GRK6: variants seen among roughly 807,000 people sequenced by gnomAD.
GRK6 encodes G protein-coupled receptor kinase 6.
GRK6 carries 37 observed loss-of-function variants against 80.8 expected under a neutral mutation model. The observed-to-expected ratio is 0.46, with a 90% CI of 0.35 to 0.60. The LOEUF is 0.60. GRK6 is among the 20% of genes least tolerant of loss of function. The probability of loss-of-function intolerance (pLI) is 0.00; values close to 1 mark genes in which losing one functional copy is unlikely to be tolerated. For missense variants in GRK6, 560 were observed against 784.6 expected (o/e 0.71, Z 3.42); for synonymous variants, 295 against 320.9 (o/e 0.92, Z 0.86).
At chr5:177,433,850 G>A in intron 8 of GRK6, 64 bp from the exon 9 acceptor site, 1 of 1,494,086 alleles carries the variant, frequency 6.7e-7, no homozygotes, top group Non-Finnish European at 8.9e-7. Flanking sequence ...AGGCTTTTTT[G>A]GGCAGCCCTG....
chr5:177,440,467 A>C (rs1764423197), intron 13 of GRK6, among the ~76,000 whole-genome samples: 2 of 152,246 alleles, frequency 1.3e-5, no homozygotes, highest in Admixed American at 1.3e-4. Flanking sequence ...ACACAGCCTC[A>C]CAGTCATTGA....
In GRK6 at chr5:177,429,163, G is replaced by T. The variant is rs1763785442; in HGVS notation, c.53-1709G>T. Reference sequence around the variant, plus strand: ...AATCTCAGTTTTCATATAAAATTGGGCCTGCTCTGGCAGAGTTGCTGTGAG... The same window carrying T: ...AATCTCAGTTTTCATATAAAATTGGTCCTGCTCTGGCAGAGTTGCTGTGAG... On this transcript the variant is annotated intron_variant, in intron 1 of 15. Coordinates refer to ENST00000355472, the MANE Select transcript of GRK6 (RefSeq NM_001004106.3). This position sits in a 1 kb window ranked among gnomAD's most constrained non-coding sequence, Gnocchi z 4.3. Among the ~76,000 whole-genome samples, 1 of 152,134 alleles carries T rather than the reference G, an allele frequency of 6.6e-6. No individual in the cohort carries two copies. The highest frequency in any genetic ancestry group is 2.1e-4 in the South Asian group (1 of 4,830).
chr5:177,431,672 G>T (rs775719389), intron 2 of GRK6: 1 of 345,384 alleles, frequency 2.9e-6, no homozygotes, highest in Non-Finnish European at 5.4e-6. Flanking sequence ...GGAACCTCAC[G>T]GACCGCACCC....
At chr5:177,432,199 C>T (rs1763931710) in intron 3 of GRK6, 34 bp from the exon 4 acceptor site, 1 of 1,613,120 alleles carries the variant, frequency 6.2e-7, no homozygotes, top group African/African-American at 1.3e-5. Context: ...TTGCCCTGCC[C>T]AGACCTCCAG....
At chr5:177,430,562 CG>C (rs1763845344) in intron 1 of GRK6, 5 of 376,628 alleles carry the variant, frequency 1.3e-5, no homozygotes, top group South Asian at 5.7e-5. Flanking sequence ...CTTTCTTCAC[CG>C]GGGGAACTCC....
intron 13 of GRK6, among the ~76,000 whole-genome samples, chr5:177,437,986 G>C (rs953897964): frequency 2.0e-5 from 3 of 152,234 alleles, no homozygotes; most frequent in African/African-American, 7.2e-5. Context: ...ACTGGAGCCA[G>C]TCCTGCCCTT....
At position 177,440,942 on chromosome 5, in the gene GRK6, A is replaced by G. The variant is rs335435; in HGVS notation, c.1566A>G (p.Gln522=). The G allele has an allele frequency of 0.51, 829,790 of 1,613,682 alleles. 221,167 individuals carry two copies. Among genetic ancestry groups the G allele is most frequent in the Non-Finnish European group, 0.56 (662,051 of 1,179,898 alleles). ...AGATGGTGGAGACCGAGTGCTTCCAAGAGCTGAATGTCTTTGGGCTGGATG... is the reference window on the plus strand; with the variant it reads ...AGATGGTGGAGACCGAGTGCTTCCAGGAGCTGAATGTCTTTGGGCTGGATG... The part of the protein sequence containing the change: ...QNEMVETECF[Q]ELNVFGLDGS... The change falls in exon 15 of 16, where the codon CAA becomes CAG. Residue 522 remains glutamine, a synonymous_variant. Coordinates refer to ENST00000355472, the MANE Select transcript of GRK6 (RefSeq NM_001004106.3).
At position 177,441,877 on chromosome 5, in the gene GRK6, G is replaced by C; in HGVS notation, c.*87G>C. On this transcript the variant is annotated 3_prime_UTR_variant, in exon 16 of 16. Transcript: ENST00000355472. ...GTTTTGCACAGTGATCTTCCCCATT[G>C]TCCACTCAAGTCGTGGCCTGGGGAA... 8.3e-7 allele frequency: 1 copy of C among 1,199,504 alleles called. No individual in the cohort carries two copies. The highest frequency in any genetic ancestry group is 1.2e-6 in the Non-Finnish European group (1 of 815,990). The allele number at this position is 1,199,504 out of a possible 1,614,324, so 74.3% of individuals were successfully genotyped here. A position where few individuals can be genotyped will look rare whatever the true frequency, so the allele number is the denominator to read the frequency against.
chr5:177,427,477 G>A (rs1763721457), intron 1 of GRK6, among the ~76,000 whole-genome samples: 2 of 152,314 alleles, frequency 1.3e-5, no homozygotes, highest in Admixed American at 6.5e-5. Context: ...TGGGGCTAGC[G>A]GACACAGAAA....
At position 177,426,879 on chromosome 5, in the gene GRK6, C is replaced by A; in HGVS notation, c.34C>A (p.Leu12Ile). 7.2e-7 allele frequency: 1 copy of A among 1,396,376 alleles called. No individual in the cohort carries two copies. Among genetic ancestry groups the A allele is most frequent in the Non-Finnish European group, 9.4e-7 (1 of 1,068,708 alleles). The allele number at this position is 1,396,376 out of a possible 1,614,324, so 86.5% of individuals were successfully genotyped here. ...CGAGAACATCGTAGCGAACACGGTG[C>A]TACTCAAGGCCCGGGAAGGTGAGGC... ...ELENIVANTVLLKAREGGGGN... is the reference protein window; with the variant it reads ...ELENIVANTVILKAREGGGGN... Residue 12 changes from leucine to isoleucine, a missense_variant, in exon 1 of 16, where the codon CTA becomes ATA. By Grantham distance (5) the Leu-to-Ile change is conservative. This residue lies in a region of GRK6 where 189 missense variants were observed against 230.2 expected (regional missense o/e 0.82). Transcript: ENST00000355472.
Position 177,428,234 on chromosome 5 carries a change from C to T in GRK6, c.52+1337C>T, listed in dbSNP as rs1763749227. Among the ~76,000 whole-genome samples the T allele has an allele frequency of 6.6e-6, 1 of 152,222 alleles. No individual in the cohort carries two copies. The highest frequency in any genetic ancestry group is 2.1e-4 in the South Asian group (1 of 4,832). On this transcript the variant is annotated intron_variant, in intron 1 of 15. Coordinates refer to ENST00000355472, the MANE Select transcript of GRK6 (RefSeq NM_001004106.3). This position sits in a 1 kb window ranked among gnomAD's most constrained non-coding sequence, Gnocchi z 4.1. ...GCCAGGGAGGAGGGGTGGGGAGGGC[C>T]GAAACAGGCCTTCTTCCCTAGGGCT...
rs1763992773 is a variant in GRK6 at position 177,433,243 on chromosome 5, A to G, written c.533+4A>G. On this transcript the variant is annotated splice_donor_region_variant and intron_variant, in intron 6 of 15. Coordinates refer to ENST00000355472, the MANE Select transcript of GRK6 (RefSeq NM_001004106.3). ...TGCAGTGGAAGTGGCTGGAAAGGTG[A>G]GCTCCCTGAAGGCTGGGCCGGGACA... 1.2e-6 allele frequency: 2 copies of G among 1,614,004 alleles called. No individual in the cohort carries two copies. The highest frequency in any genetic ancestry group is 1.7e-6 in the Non-Finnish European group (2 of 1,179,966).
At chr5:177,435,731 G>A (rs377289672) in intron 11 of GRK6, among the ~76,000 whole-genome samples, 23 of 152,378 alleles carry the variant, frequency 1.5e-4, no homozygotes, top group South Asian at 2.1e-4. Flanking sequence ...TCTTCTCGCT[G>A]ATATTAAATC....
At chr5:177,430,674 A>G in intron 1 of GRK6, 198 bp from the exon 2 acceptor site, 1 of 598,664 alleles carries the variant, frequency 1.7e-6, no homozygotes, top group Non-Finnish European at 3.0e-6. Flanking sequence ...CTCCCAGTGC[A>G]GGAGCCTGAA....
chr5:177,425,717 GC>G (rs2127367240), upstream of GRK6, among the ~76,000 whole-genome samples: 1 of 152,382 alleles, frequency 6.6e-6, no homozygotes, highest in African/African-American at 2.4e-5. Flanking sequence ...AACTAGAGAA[GC>G]CTAGATGGAT....
At chr5:177,436,010 C>A in intron 11 of GRK6, 63 bp from the exon 12 acceptor site, 1 of 1,443,368 alleles carries the variant, frequency 6.9e-7, no homozygotes, top group Non-Finnish European at 9.7e-7. Flanking sequence ...ACTGGCGTTC[C>A]TGGGGCCTGA....
chr5:177,433,852 G>A, intron 8 of GRK6, 62 bp from the exon 9 acceptor site: 1 of 1,496,398 alleles, frequency 6.7e-7, no homozygotes, highest in Non-Finnish European at 8.9e-7. Flanking sequence ...GCTTTTTTGG[G>A]CAGCCCTGCC....
Position 177,434,995 on chromosome 5 carries a change from T to G in GRK6, c.968-37T>G, listed in dbSNP as rs745447976. On this transcript the variant is annotated intron_variant, in intron 10 of 15. Transcript: ENST00000355472. ...TGGGGTGAGATGCAGAGGCCTGGCCTGTTAACGGGTCCACCTGTTTCTCCA... is the reference window on the plus strand; with the variant it reads ...TGGGGTGAGATGCAGAGGCCTGGCCGGTTAACGGGTCCACCTGTTTCTCCA... The G allele has an allele frequency of 3.7e-6, 6 of 1,612,834 alleles. No homozygotes were observed. The South Asian group carries it at 6.6e-5, about 18-fold the overall frequency.
Position 177,441,968 on chromosome 5 carries a change from C to A in GRK6, c.*178C>A. The A allele has an allele frequency of 1.6e-6, 1 of 619,922 alleles. No homozygotes were observed. The highest frequency in any genetic ancestry group is 2.9e-6 in the Non-Finnish European group (1 of 345,822). 38.4% of individuals were successfully genotyped at this position (619,922 alleles called of 1,614,324 possible). On this transcript the variant is annotated 3_prime_UTR_variant, in exon 16 of 16. Transcript: ENST00000355472. Reference sequence around the variant, plus strand: ...CCTGGCCTGGCTGAGTTTGGCAGGGCCTGGGCCATCCCTGGGACAAAGGTG... The same window carrying A: ...CCTGGCCTGGCTGAGTTTGGCAGGGACTGGGCCATCCCTGGGACAAAGGTG...
Sources: gnomAD v4.1 joint callset for allele counts (sites outside exome capture counted in the v4.1 genomes callset) on GRCh38, gnomAD v4.1.1 for gene constraint, gnomAD v4.1.1 regional missense constraint, Gnocchi (gnomAD v3.1) non-coding constraint, MANE v1.5 for transcripts, NCBI Gene and HGNC (gene_info 2026-07-23, HGNC 2026-07-21) for gene names.